The following ABI3BP variants were observed in gnomAD, a reference collection of about 807,000 sequenced individuals.
ABI3BP encodes the protein ABI family member 3 binding protein, also known as target of Nesh-SH3.
In ABI3BP, 216 loss-of-function variants were observed where a neutral mutation model predicts 268.6. That is an observed-to-expected ratio of 0.80 (90% CI 0.72 to 0.90). The LOEUF is 0.90. Ranked by LOEUF, ABI3BP falls within the 40% of genes least tolerant of loss-of-function variation. The probability of loss-of-function intolerance (pLI) is 0.00; values close to 1 mark genes in which losing one functional copy is unlikely to be tolerated. For synonymous variants in ABI3BP, 730 were observed against 730.0 expected, an observed-to-expected ratio of 1.00 and a Z score of 0.00; for missense variants, 2,090 against 2,182.4, an observed-to-expected ratio of 0.96 and a Z score of 0.84.
chr3:100,753,946 G>T, intron 64 of ABI3BP, 98 bp from the exon 65 acceptor site: 1 of 1,236,882 alleles, frequency 8.1e-7, no homozygotes, highest in Non-Finnish European at 1.2e-6. Flanking sequence ...TTGTTAAGAA[G>T]TCTTATTTGC....
intron 12 of ABI3BP, chr3:100,863,377 A>G (rs1452286948): frequency 1.9e-5 from 3 of 157,524 alleles, no homozygotes; most frequent in African/African-American, 7.3e-5. Context: ...AGTGCGTGGC[A>G]CGATCTTGGC....
At chr3:100,861,103 G>A (rs1390030329) in intron 14 of ABI3BP, among the ~76,000 whole-genome samples, 2 of 152,146 alleles carry the variant, frequency 1.3e-5, no homozygotes, top group Non-Finnish European at 2.9e-5. Context: ...TAGAATTTTA[G>A]AGTCAGTGAC....
At chr3:100,890,452 C>T (rs1260067216) in intron 4 of ABI3BP, among the ~76,000 whole-genome samples, 2 of 152,122 alleles carry the variant, frequency 1.3e-5, no homozygotes, top group East Asian at 3.8e-4. Context: ...ATAAGCTTCT[C>T]AATAATTGTA....
At chr3:100,949,635 G>A (rs1453826818) in intron 1 of ABI3BP, among the ~76,000 whole-genome samples, 4 of 152,054 alleles carry the variant, frequency 2.6e-5, no homozygotes, top group South Asian at 2.1e-4. Context: ...TATAAAGTTC[G>A]AGCTCAGTTT....
chr3:100,880,561 G>A (rs1192059157), intron 6 of ABI3BP, among the ~76,000 whole-genome samples: 9 of 152,102 alleles, frequency 5.9e-5, no homozygotes, highest in African/African-American at 1.9e-4. Flanking sequence ...GATTTTCTGG[G>A]ACACTGTGGC....
At chr3:100,869,330 GTTTTTTTTTT>G (rs144604645) in intron 9 of ABI3BP, among the ~76,000 whole-genome samples, 2 of 49,762 alleles carry the variant, frequency 4.0e-5, no homozygotes, top group African/African-American at 8.2e-5. Flanking sequence ...CTTCTTTTTG[GTTTTTTTTTT>G]TTTTTTTTTT....
At position 100,778,195 on chromosome 3, in the gene ABI3BP, G is replaced by GCTAGCT; in HGVS notation, c.4333+88_4333+89insAGCTAG. ...CAAACGTGTCACACACATCAATAGT[G>GCTAGCT]TGCCTGTTGCTAGCACGCCAAGAAG... On this transcript the variant is annotated intron_variant, in intron 59 of 67. Transcript: ENST00000471714. 6.3e-6 allele frequency: 8 copies of GCTAGCT among 1,261,812 alleles called. No individual in the cohort carries two copies. In the South Asian group the frequency reaches 9.9e-5, roughly 16 times the overall value. The allele number at this position is 1,261,812 out of a possible 1,614,324, so 78.2% of individuals were successfully genotyped here.
At chr3:100,970,152 A>T (rs1447688246) in intron 1 of ABI3BP, among the ~76,000 whole-genome samples, 2 of 152,100 alleles carry the variant, frequency 1.3e-5, no homozygotes, top group Non-Finnish European at 2.9e-5. Context: ...AAGAAAGGGC[A>T]CTCTTATCCA....
intron 1 of ABI3BP, among the ~76,000 whole-genome samples, chr3:100,975,812 C>A (rs1207069808): frequency 1.3e-5 from 2 of 151,980 alleles, no homozygotes; most frequent in East Asian, 1.9e-4. Flanking sequence ...AATAAAAAAA[C>A]CCCACCCTGA....
At chr3:100,980,001 C>A (rs2088471618) in intron 1 of ABI3BP, among the ~76,000 whole-genome samples, 1 of 152,126 alleles carries the variant, frequency 6.6e-6, no homozygotes, top group African/African-American at 2.4e-5. Flanking sequence ...TCTTATTAGT[C>A]ATTCTGGTAA....
chr3:100,982,559 C>T (rs969462969), intron 1 of ABI3BP, among the ~76,000 whole-genome samples: 6 of 151,770 alleles, frequency 4.0e-5, no homozygotes, highest in African/African-American at 9.7e-5. Context: ...ATGACTTACT[C>T]GGGCTCACGT....
At chr3:100,979,933 A>G (rs1323166124) in intron 1 of ABI3BP, among the ~76,000 whole-genome samples, 1 of 152,188 alleles carries the variant, frequency 6.6e-6, no homozygotes, top group Non-Finnish European at 1.5e-5. Context: ...TGGAGAAGGA[A>G]TTTTGACTAA....
At chr3:100,776,561 G>C (rs2096710816) in intron 59 of ABI3BP, among the ~76,000 whole-genome samples, 1 of 152,148 alleles carries the variant, frequency 6.6e-6, no homozygotes, top group African/African-American at 2.4e-5. Context: ...ACATGTGAGA[G>C]AGCCTCAGAG....
rs2098176992 is a variant in ABI3BP, at chr3:100,820,144, C to T, written c.3031+76G>A. 5 of 1,269,992 alleles carry T rather than the reference C, an allele frequency of 3.9e-6. No individual in the cohort carries two copies. In the South Asian group the frequency reaches 6.5e-5, roughly 17 times the overall value. The allele number at this position is 1,269,992 out of a possible 1,614,324, so 78.7% of individuals were successfully genotyped here. A position where few individuals can be genotyped will look rare whatever the true frequency, so the allele number is the denominator to read the frequency against. On this transcript the variant is annotated intron_variant, in intron 40 of 67. Coordinates refer to ENST00000471714, the MANE Select transcript of ABI3BP (RefSeq NM_001375547.2). ...CACATGGTACTCACACAGGCCATCA[C>T]TCCCATCATTGGCATCAGTTATAAA...
intron 63 of ABI3BP, among the ~76,000 whole-genome samples, chr3:100,756,817 C>T (rs1221922754): frequency 7.4e-6 from 1 of 135,324 alleles, no homozygotes; most frequent in African/African-American, 2.7e-5. Context: ...TGATATTTGA[C>T]AAGTTTCAAA....
intron 14 of ABI3BP, among the ~76,000 whole-genome samples, chr3:100,852,421 GACTT>G (rs1351541510): frequency 4.6e-5 from 7 of 152,166 alleles, no homozygotes; most frequent in African/African-American, 1.7e-4. Context: ...AGTTTGCAGA[GACTT>G]ACTCATACAT....
intron 50 of ABI3BP, among the ~76,000 whole-genome samples, chr3:100,805,406 A>G (rs2097677583): frequency 1.3e-5 from 2 of 152,058 alleles, no homozygotes; most frequent in Admixed American, 1.3e-4. Flanking sequence ...AAACCTTCAA[A>G]TGAATTTGCT....
In ABI3BP at chr3:100,774,644, T is replaced by C. The variant is rs752022596; in HGVS notation, c.4492A>G (p.Thr1498Ala). The C allele has an allele frequency of 2.5e-6, 4 of 1,585,860 alleles. No individual in the cohort carries two copies. Among genetic ancestry groups the C allele is most frequent in the South Asian group, 2.3e-5 (2 of 86,104 alleles). Residue 1498 changes from threonine (T) to alanine (A), a missense_variant, in exon 61 of 68, where the codon ACA becomes GCA. Transcript: ENST00000471714. Reference sequence around the variant, plus strand: ...TTCCCAAGAGGATCAGTTTCTCTTGTTGGGCTTGAGCTAAAGTCAGTTATA... The same window carrying C: ...TTCCCAAGAGGATCAGTTTCTCTTGCTGGGCTTGAGCTAAAGTCAGTTATA... ...ENITDFSSSP[T>A]RETDPLGKPR... is the part of the protein sequence containing the mutation.
intron 45 of ABI3BP, 120 bp from the exon 46 acceptor site, chr3:100,812,643 C>T: frequency 1.9e-6 from 1 of 518,150 alleles, no homozygotes; most frequent in Non-Finnish European, 3.0e-6. Flanking sequence ...ATTATTAACA[C>T]TAAGGGAAGC....
Sources: allele counts gnomAD v4.1 joint callset (sites outside exome capture counted in the v4.1 genomes callset), GRCh38; gene constraint gnomAD v4.1.1; transcripts MANE v1.5; gene names NCBI Gene and HGNC (gene_info 2026-07-23, HGNC 2026-07-21).